The following ATF7IP variants were observed in gnomAD, a reference collection of about 807,000 sequenced individuals.
The protein encoded by ATF7IP is activating transcription factor 7-interacting protein 1.
A neutral mutation model predicts 106.4 loss-of-function variants in ATF7IP; 23 were observed. That is an observed-to-expected ratio of 0.22 (90% CI 0.16 to 0.31). The LOEUF (loss-of-function observed/expected upper bound fraction) is 0.31, where lower values mean the gene tolerates loss of function less well. Among genes scored for constraint, ATF7IP ranks in the 10% least tolerant of loss-of-function variants. The pLI is 1.00. For synonymous variants in ATF7IP, 542 were observed against 539.0 expected (o/e 1.01, Z -0.08); for missense variants, 1,334 against 1,524.3 (o/e 0.88, Z 2.08).
chr12:14,461,193 T>C (rs1433789621), intron 9 of ATF7IP, 60 bp downstream of exon 9: 13 of 1,475,094 alleles, frequency 8.8e-6, no homozygotes, highest in Non-Finnish European at 1.2e-5. Context: ...CTTGTAATGA[T>C]TGAACTTTTT....
At chr12:14,425,873 A>G (rs529649306) in intron 2 of ATF7IP, among the ~76,000 whole-genome samples, 6 of 152,350 alleles carry the variant, frequency 3.9e-5, no homozygotes, top group African/African-American at 1.4e-4. Flanking sequence ...CAAGTGTAAC[A>G]AATTATATTT....
intron 1 of ATF7IP, among the ~76,000 whole-genome samples, chr12:14,405,592 T>G (rs901456753): frequency 6.6e-6 from 1 of 151,824 alleles, no homozygotes; most frequent in Non-Finnish European, 1.5e-5. Flanking sequence ...TTTTTAAATT[T>G]TTTTTGTTGA....
Position 14,396,743 on chromosome 12 carries a change from A to G in ATF7IP, c.-7-27166A>G, listed in dbSNP as rs1023917564. Among the ~76,000 whole-genome samples the G allele has an allele frequency of 3.3e-5, 5 of 152,316 alleles. 1 individual carries two copies. The South Asian group carries it at 8.3e-4, about 25-fold the overall frequency. On this transcript the variant is annotated intron_variant, in intron 1 of 14. Coordinates refer to ENST00000261168, the MANE Select transcript of ATF7IP (RefSeq NM_018179.5). ...TTTACATATAGACAAAGAGAAAAAG[A>G]GTTGATAGACAAAAACAGGAATTTA... is the stretch of plus-strand genomic sequence containing the variant.
intron 13 of ATF7IP, among the ~76,000 whole-genome samples, chr12:14,490,230 C>T (rs914365221): frequency 1.4e-4 from 21 of 152,328 alleles, no homozygotes; most frequent in Admixed American, 1.1e-3. Context: ...GTCCACAGAA[C>T]GGGTCATCCT....
Position 14,424,862 on chromosome 12 carries a change from T to C in ATF7IP, c.947T>C (p.Phe316Ser). ...IEPSSNKDDD[F>S]LEKNGADEKL... ...CCAAGTAGCAATAAAGATGATGATT[T>C]TCTTGAAAAAAATGGAGCTGATGAA... The change falls in exon 2 of 15, where the codon TTT becomes TCT. Residue 316 changes from phenylalanine to serine, a missense_variant. Physicochemically the swap from Phe to Ser is radical, Grantham distance 155. Around this residue, in one of 10 missense-constraint regions of ATF7IP, gnomAD observed 438 missense variants for 405.3 expected, o/e 1.08. Transcript: ENST00000261168. The C allele has an allele frequency of 6.2e-7, 1 of 1,610,692 alleles. No individual in the cohort carries two copies. Among genetic ancestry groups the C allele is most frequent in the East Asian group, 2.2e-5 (1 of 44,862 alleles).
At chr12:14,369,933 ATGT>A (rs2136391081) in intron 1 of ATF7IP, among the ~76,000 whole-genome samples, 1 of 150,416 alleles carries the variant, frequency 6.6e-6, no homozygotes, top group Admixed American at 6.6e-5. Flanking sequence ...AAGTCTGCAT[ATGT>A]TCATTTTTTT....
chr12:14,493,889 A>G (rs1448093338), intron 13 of ATF7IP, among the ~76,000 whole-genome samples: 1 of 152,118 alleles, frequency 6.6e-6, no homozygotes, highest in Non-Finnish European at 1.5e-5. Flanking sequence ...GCTGAGAGAC[A>G]GAATCCTTGA....
At chr12:14,491,541 A>G (rs1323141601) in intron 13 of ATF7IP, among the ~76,000 whole-genome samples, 2 of 152,208 alleles carry the variant, frequency 1.3e-5, no homozygotes, top group African/African-American at 4.8e-5. Flanking sequence ...AATGTCATCA[A>G]CGTAATGGAG....
Position 14,424,987 on chromosome 12 carries a change from A to T in ATF7IP, c.1072A>T (p.Thr358Ser). ...NEETLETDDT[T>S]ICSDRPPENE... The stretch of plus-strand genomic sequence containing the variant: ...AGAAACTCTAGAAACAGATGATACA[A>T]CTATTTGTTCAGATCGACCTCCTGA... Residue 358 changes from threonine (T) to serine (S), a missense_variant, in exon 2 of 15, where the codon ACT becomes TCT. Around this residue, in one of 10 missense-constraint regions of ATF7IP, gnomAD observed 438 missense variants for 405.3 expected, o/e 1.08. Coordinates refer to ENST00000261168, the MANE Select transcript of ATF7IP (RefSeq NM_018179.5). 1 of 1,610,908 alleles carries T rather than the reference A, an allele frequency of 6.2e-7. No individual in the cohort carries two copies. The highest frequency in any genetic ancestry group is 2.2e-5 in the East Asian group (1 of 44,858).
chr12:14,497,598 A>G (rs1945050397), intron 14 of ATF7IP, 56 bp from the exon 15 acceptor site: 1 of 1,502,496 alleles, frequency 6.7e-7, no homozygotes, highest in Admixed American at 2.1e-5. Context: ...TAATTCTAAC[A>G]TTCTAAAATA....
At chr12:14,485,652 T>G (rs1944581259) in intron 13 of ATF7IP, among the ~76,000 whole-genome samples, 1 of 152,188 alleles carries the variant, frequency 6.6e-6, no homozygotes, top group Non-Finnish European at 1.5e-5. Flanking sequence ...AAAGGTATAT[T>G]GCTGTCTTTG....
intron 1 of ATF7IP, among the ~76,000 whole-genome samples, chr12:14,371,430 T>G (rs906309296): frequency 3.9e-5 from 6 of 152,082 alleles, no homozygotes; most frequent in Admixed American, 1.3e-4. Flanking sequence ...TTATAACAGC[T>G]TAGATATTTT....
intron 1 of ATF7IP, among the ~76,000 whole-genome samples, chr12:14,402,747 C>T (rs1396167752): frequency 6.6e-6 from 1 of 151,454 alleles, no homozygotes; most frequent in Non-Finnish European, 1.5e-5. Flanking sequence ...AGCTGGGATT[C>T]TATCATGCCT....
At chr12:14,463,786 T>G (rs937222307) in intron 9 of ATF7IP, among the ~76,000 whole-genome samples, 1 of 152,126 alleles carries the variant, frequency 6.6e-6, no homozygotes, top group Non-Finnish European at 1.5e-5. Flanking sequence ...TGAAAAAGAT[T>G]TAAAAGTTAT....
chr12:14,442,631 T>C (rs1267532687), intron 5 of ATF7IP, among the ~76,000 whole-genome samples: 1 of 152,228 alleles, frequency 6.6e-6, no homozygotes, highest in South Asian at 2.1e-4. Flanking sequence ...TAATATGATA[T>C]TTTGACTTTT....
intron 11 of ATF7IP, among the ~76,000 whole-genome samples, chr12:14,476,860 A>G (rs1944280685): frequency 6.6e-6 from 1 of 152,244 alleles, no homozygotes; most frequent in Non-Finnish European, 1.5e-5. Context: ...ACTGTAAACC[A>G]TATTCCTAGT....
At chr12:14,416,903 G>C in intron 1 of ATF7IP, 1 of 985,064 alleles carries the variant, frequency 1.0e-6, no homozygotes, top group Non-Finnish European at 1.2e-6. Context: ...TTCCTGTGGG[G>C]AGATTATATA....
intron 2 of ATF7IP, among the ~76,000 whole-genome samples, chr12:14,431,258 T>C (rs139507451): frequency 6.6e-6 from 1 of 152,068 alleles, no homozygotes; most frequent in Non-Finnish European, 1.5e-5. Flanking sequence ...GCTTACTGTC[T>C]AGTCTGCTTG....
intron 1 of ATF7IP, among the ~76,000 whole-genome samples, chr12:14,415,502 G>A (rs1252545489): frequency 1.3e-5 from 2 of 152,092 alleles, no homozygotes; most frequent in Non-Finnish European, 2.9e-5. Context: ...GGAATTGTTG[G>A]TAAAGCAAAC....
Sources: allele counts gnomAD v4.1 joint callset (sites outside exome capture counted in the v4.1 genomes callset), GRCh38; gene constraint gnomAD v4.1.1; regional missense constraint gnomAD v4.1.1; transcripts MANE v1.5; gene names NCBI Gene and HGNC (gene_info 2026-07-23, HGNC 2026-07-21).